The following AAK1 variants were observed in gnomAD, a reference collection of about 807,000 sequenced individuals.
The protein encoded by AAK1 is AP2-associated protein kinase 1.
In AAK1, 37 loss-of-function variants were observed where a neutral mutation model predicts 116.0. The ratio of observed to expected loss-of-function variants is 0.32; its 90% confidence interval spans 0.25 to 0.42. The LOEUF is 0.42. Ranked by LOEUF, AAK1 falls within the 10% of genes least tolerant of loss-of-function variation. The pLI is 1.00. For synonymous variants in AAK1, 458 were observed against 439.9 expected, an observed-to-expected ratio of 1.04 and a Z score of -0.51; for missense variants, 919 against 1,170.6, an observed-to-expected ratio of 0.79 and a Z score of 3.14.
chr2:69,474,177 T>C lies in AAK1; in HGVS notation c.*1692A>G, dbSNP rs1352944536. On this transcript the variant is annotated 3_prime_UTR_variant, in exon 22 of 22. Coordinates refer to ENST00000409085, the MANE Select transcript of AAK1 (RefSeq NM_014911.5). ...GCAGTGTTTTATAGGCTGTTGTTGC[T>C]GTTAAACTTTTTTCCCCCATAAAGT... 1 of 985,894 alleles carries C rather than the reference T, an allele frequency of 1.0e-6. No individual in the cohort carries two copies. The highest frequency in any genetic ancestry group is 4.7e-5 in the South Asian group (1 of 21,286). 61.1% of individuals were successfully genotyped at this position (985,894 alleles called of 1,614,324 possible).
At chr2:69,567,166 G>A (rs1671910308) in intron 2 of AAK1, among the ~76,000 whole-genome samples, 3 of 152,130 alleles carry the variant, frequency 2.0e-5, no homozygotes, top group African/African-American at 7.2e-5. Flanking sequence ...ATCTGCCTAA[G>A]GATCTTTGCA....
intron 2 of AAK1, among the ~76,000 whole-genome samples, chr2:69,588,611 TC>T (rs1297678020): frequency 2.0e-5 from 3 of 152,222 alleles, no homozygotes; most frequent in Non-Finnish European, 4.4e-5. Context: ...TCTGAAACCA[TC>T]TGTGGGTGCT....
Position 69,475,760 on chromosome 2 carries a change from C to A in AAK1, c.*109G>T. On this transcript the variant is annotated 3_prime_UTR_variant, in exon 22 of 22. Coordinates refer to ENST00000409085, the MANE Select transcript of AAK1 (RefSeq NM_014911.5). ...GGGGTAGGAGAAAAGGGCTGGAGGG[C>A]CCCTTATTTGCAGATTTTTTTAAAA... 2.0e-6 allele frequency: 3 copies of A among 1,481,078 alleles called. No individual in the cohort carries two copies. Among genetic ancestry groups the A allele is most frequent in the Non-Finnish European group, 2.7e-6 (3 of 1,109,658 alleles). The allele number at this position is 1,481,078 out of a possible 1,614,324, so 91.7% of individuals were successfully genotyped here.
At chr2:69,575,385 AGTAGT>A (rs1341318921) in intron 2 of AAK1, among the ~76,000 whole-genome samples, 3 of 152,236 alleles carry the variant, frequency 2.0e-5, no homozygotes, top group Admixed American at 2.0e-4. Context: ...AAAAAATCTC[AGTAGT>A]CCAGATAAAT....
chr2:69,590,959 T>C (rs866821811), intron 2 of AAK1, among the ~76,000 whole-genome samples: 1 of 152,310 alleles, frequency 6.6e-6, no homozygotes, highest in South Asian at 2.1e-4. Context: ...GAGCACCTAC[T>C]ATGGAAAGAT....
intron 17 of AAK1, among the ~76,000 whole-genome samples, chr2:69,483,055 C>T (rs1179552071): frequency 6.6e-6 from 1 of 152,146 alleles, no homozygotes; most frequent in South Asian, 2.1e-4. Flanking sequence ...GTCCTGGGTG[C>T]GTCTGCTTGT....
chr2:69,610,029 C>G (rs372630517), intron 2 of AAK1, among the ~76,000 whole-genome samples: 1 of 125,850 alleles, frequency 7.9e-6, no homozygotes, highest in African/African-American at 3.1e-5. Flanking sequence ...CCAGCCTGGG[C>G]GACAGAGTGA....
At chr2:69,630,333 C>CGGGGGGGGGGG (rs1404671822) in intron 2 of AAK1, among the ~76,000 whole-genome samples, 1 of 14,230 alleles carries the variant, frequency 7.0e-5, no homozygotes, top group African/African-American at 3.2e-4. Flanking sequence ...CTGAGTGGGG[C>CGGGGGGGGGGG]GGGGGGTGGG....
Position 69,462,719 on chromosome 2 carries a change from C to A in AAK1, c.*13150G>T, listed in dbSNP as rs369913575. On this transcript the variant is annotated 3_prime_UTR_variant, in exon 22 of 22. Transcript: ENST00000409085. ...TTCTGAGTTGGGGTGAGAAATCTCC[C>A]TGAGTATTTCTAGGCTCTTCGCTCA... 6.6e-6 allele frequency: 1 copy of A among 151,876 alleles called. No individual in the cohort carries two copies. The highest frequency in any genetic ancestry group is 1.5e-5 in the Non-Finnish European group (1 of 68,012). The allele number at this position is 151,876 out of a possible 1,614,324, so 9.4% of individuals were successfully genotyped here.
intron 4 of AAK1, 154 bp downstream of exon 4, chr2:69,544,282 A>C (rs1314947790): frequency 1.6e-6 from 1 of 606,290 alleles, no homozygotes; most frequent in African/African-American, 1.8e-5. Context: ...AGAATAACTA[A>C]GAGTTGACAG....
At chr2:69,503,561 C>T (rs1410153785) in intron 16 of AAK1, among the ~76,000 whole-genome samples, 1 of 151,986 alleles carries the variant, frequency 6.6e-6, no homozygotes, top group Non-Finnish European at 1.5e-5. Context: ...ACGCTGTTGC[C>T]CAGGCTAGAA....
intron 2 of AAK1, among the ~76,000 whole-genome samples, chr2:69,614,004 A>T (rs2105222866): frequency 6.6e-6 from 1 of 152,306 alleles, no homozygotes; most frequent in African/African-American, 2.4e-5. Flanking sequence ...AATTAATTTG[A>T]ATAGTAGGAC....
intron 9 of AAK1, 95 bp from the exon 10 acceptor site, chr2:69,525,207 GA>G (rs1669972818): frequency 1.6e-6 from 2 of 1,276,050 alleles, no homozygotes; most frequent in Admixed American, 3.9e-5. Flanking sequence ...AGAGCTGATG[GA>G]AACACATTTT....
At chr2:69,542,443 C>A in intron 5 of AAK1, 80 bp downstream of exon 5, 2 of 1,524,098 alleles carry the variant, frequency 1.3e-6, no homozygotes, top group Non-Finnish European at 1.8e-6. Flanking sequence ...TCTCTCATAT[C>A]CCCACAGTAT....
chr2:69,466,280 ATCT>A lies in AAK1; in HGVS notation c.*9586_*9588del, dbSNP rs1558882731. On this transcript the variant is annotated 3_prime_UTR_variant, in exon 22 of 22. Transcript: ENST00000409085. ...TCCCCGGGGGGGGTCTGCAGCTCTC[ATCT>A]TCTTCTTCAGACTCCATAAGGAGAG... 7.0e-6 allele frequency: 9 copies of A among 1,289,690 alleles called. No homozygotes were observed. Among genetic ancestry groups the A allele is most frequent in the Admixed American group, 6.9e-5 (3 of 43,560 alleles). The allele number at this position is 1,289,690 out of a possible 1,614,324, so 79.9% of individuals were successfully genotyped here.
chr2:69,469,230 G>A lies in AAK1; in HGVS notation c.*6639C>T, dbSNP rs1199009411. 1 of 985,282 alleles carries A rather than the reference G, an allele frequency of 1.0e-6. No homozygotes were observed. Among genetic ancestry groups the A allele is most frequent in the Admixed American group, 6.2e-5 (1 of 16,250 alleles). 61.0% of individuals were successfully genotyped at this position (985,282 alleles called of 1,614,324 possible). On this transcript the variant is annotated 3_prime_UTR_variant, in exon 22 of 22. Coordinates refer to ENST00000409085, the MANE Select transcript of AAK1 (RefSeq NM_014911.5). ...ACTCTCCAGGCCTGGCACTCTGAAG[G>A]GCAAAGAAATGCCAGAGAATATGGG...
chr2:69,481,059 T>G, intron 18 of AAK1, 98 bp from the exon 19 acceptor site: 1 of 1,081,160 alleles, frequency 9.2e-7, no homozygotes, highest in East Asian at 2.7e-5. Flanking sequence ...TTTTTTTAAT[T>G]CTCATTTTTT....
Position 69,619,976 on chromosome 2 carries a change from A to T in AAK1, c.163+22902T>A, listed in dbSNP as rs114060563. ...TTACTCTGAGATGGGGAATCACTGG[A>T]CGCTTCTGAGCAGAGGAGTAACTAA... On this transcript the variant is annotated intron_variant, in intron 2 of 21. Transcript: ENST00000409085. Among the ~76,000 whole-genome samples, 382 of 152,320 alleles carry T rather than the reference A, an allele frequency of 2.5e-3. 2 individuals carry two copies. Among genetic ancestry groups the T allele is most frequent in the Middle Eastern group, 0.017 (5 of 294 alleles).
At chr2:69,616,540 C>T (rs540750961) in intron 2 of AAK1, among the ~76,000 whole-genome samples, 25 of 152,224 alleles carry the variant, frequency 1.6e-4, no homozygotes, top group Non-Finnish European at 3.5e-4. Context: ...GATTCTCAAC[C>T]TGGACGCTCA....
Sources: allele counts gnomAD v4.1 joint callset (sites outside exome capture counted in the v4.1 genomes callset), GRCh38; gene constraint gnomAD v4.1.1; transcripts MANE v1.5; gene names NCBI Gene and HGNC (gene_info 2026-07-23, HGNC 2026-07-21).